The following KCTD21 variants were observed in gnomAD, a reference collection of about 807,000 sequenced individuals.
KCTD21 encodes the protein potassium channel tetramerization domain containing 21, also known as BTB/POZ domain-containing protein KCTD21.
A neutral mutation model predicts 13.2 loss-of-function variants in KCTD21; 9 were observed. The observed-to-expected ratio is 0.68, with a 90% CI of 0.41 to 1.19. The LOEUF (loss-of-function observed/expected upper bound fraction) is 1.19, where lower values mean the gene tolerates loss of function less well. Among genes scored for constraint, KCTD21 ranks in the 50% most tolerant of loss-of-function variants. The probability of loss-of-function intolerance (pLI) is 0.01; values close to 1 mark genes in which losing one functional copy is unlikely to be tolerated. For missense variants in KCTD21, 303 were observed against 336.5 expected, an observed-to-expected ratio of 0.90 and a Z score of 0.78; for synonymous variants, 142 against 137.4, an observed-to-expected ratio of 1.03 and a Z score of -0.23.
intron 1 of KCTD21, among the ~76,000 whole-genome samples, chr11:78,184,491 C>T (rs1862716778): frequency 6.6e-6 from 1 of 152,082 alleles, no homozygotes; most frequent in African/African-American, 2.4e-5. Context: ...CACACACCAC[C>T]ATGTCCGGCT....
chr11:78,180,777 G>A (rs866124386), intron 1 of KCTD21, among the ~76,000 whole-genome samples: 1 of 152,158 alleles, frequency 6.6e-6, no homozygotes, highest in Non-Finnish European at 1.5e-5. Context: ...ATATGGTATG[G>A]TTTGGCTCTG....
At chr11:78,179,732 C>T (rs889408224) in intron 1 of KCTD21, among the ~76,000 whole-genome samples, 2 of 152,186 alleles carry the variant, frequency 1.3e-5, no homozygotes, top group African/African-American at 4.8e-5. Flanking sequence ...AGTCAGTCTC[C>T]TTCATGCTGA....
intron 1 of KCTD21, among the ~76,000 whole-genome samples, chr11:78,184,329 C>CTATT (rs532305114): frequency 5.9e-4 from 89 of 152,108 alleles, no homozygotes; most frequent in African/African-American, 1.0e-3. Context: ...TGGAGAAGCT[C>CTATT]TATTTATTTA....
At position 78,174,475 on chromosome 11, in the gene KCTD21, G is replaced by C. The variant is rs1862386046; in HGVS notation, c.80C>G (p.Ser27Cys). 6.2e-7 allele frequency: 1 copy of C among 1,614,140 alleles called. No homozygotes were observed. The highest frequency in any genetic ancestry group is 8.5e-7 in the Non-Finnish European group (1 of 1,180,016). Reference protein sequence around the residue: ...SLATLTSFPDSMLGAMFSGKM... With the variant: ...SLATLTSFPDCMLGAMFSGKM... ...CCCGCTGAACATGGCGCCTAGCATG[G>C]AGTCAGGGAAGCTGGTCAGGGTCGC... The change falls in exon 2 of 2, where the codon TCC becomes TGC. Residue 27 changes from serine (S) to cysteine (C), a missense_variant. Coordinates refer to ENST00000340067, the MANE Select transcript of KCTD21 (RefSeq NM_001029859.3).
chr11:78,182,736 G>A lies in KCTD21; in HGVS notation c.-30+5837C>T, dbSNP rs137887754. Among the ~76,000 whole-genome samples, 337 of 152,246 alleles carry A rather than the reference G, an allele frequency of 2.2e-3. 1 individual carries two copies. Among genetic ancestry groups the A allele is most frequent in the African/African-American group, 7.8e-3 (325 of 41,528 alleles). ...AGAGTCATGGCCTCTGGGAAGTTCT[G>A]GTTTGGACACCCTTCAGAGAACCAG... On this transcript the variant is annotated intron_variant, in intron 1 of 1. Transcript: ENST00000340067.
At chr11:78,188,550 G>C (rs1276939745) in intron 1 of KCTD21, 23 bp downstream of exon 1, 1 of 985,316 alleles carries the variant, frequency 1.0e-6, no homozygotes, top group Admixed American at 6.2e-5. Flanking sequence ...CGAGCCCCGC[G>C]ACCCCGGCCG....
At chr11:78,180,989 T>C (rs542548126) in intron 1 of KCTD21, among the ~76,000 whole-genome samples, 1 of 152,260 alleles carries the variant, frequency 6.6e-6, no homozygotes, top group South Asian at 2.1e-4. Flanking sequence ...AAGAAAGACA[T>C]GTTTGCTTCC....
rs1211886899 is a variant in KCTD21 at position 78,174,296 on chromosome 11, A to G, written c.259T>C (p.Tyr87His). ...MGLLRREADFYQVQPLIEALQ... is the reference protein window; with the variant it reads ...MGLLRREADFHQVQPLIEALQ... ...GCCTCAATCAGGGGCTGCACCTGGTAGAAGTCGGCCTCCCTGCGGAGCAGC... is the reference window on the plus strand; with the variant it reads ...GCCTCAATCAGGGGCTGCACCTGGTGGAAGTCGGCCTCCCTGCGGAGCAGC... Residue 87 changes from tyrosine to histidine, a missense_variant, in exon 2 of 2, where the codon TAC becomes CAC. Physicochemically the swap from Tyr to His is moderately conservative, Grantham distance 83. Transcript: ENST00000340067. 1 of 1,614,090 alleles carries G rather than the reference A, an allele frequency of 6.2e-7. No homozygotes were observed. The highest frequency in any genetic ancestry group is 8.5e-7 in the Non-Finnish European group (1 of 1,180,032).
intron 1 of KCTD21, among the ~76,000 whole-genome samples, chr11:78,185,989 C>T (rs955152605): frequency 2.6e-5 from 4 of 152,040 alleles, no homozygotes; most frequent in African/African-American, 9.7e-5. Context: ...ATCTCTGTAA[C>T]TCGGCAGGAA....
chr11:78,175,435 G>A (rs979702851), intron 1 of KCTD21: 3 of 151,830 alleles, frequency 2.0e-5, no homozygotes, highest in Admixed American at 2.0e-4. Flanking sequence ...CTCAAGCTCA[G>A]AAAGGTGAAG....
chr11:78,176,309 C>T (rs551051110), intron 1 of KCTD21: 2 of 152,192 alleles, frequency 1.3e-5, no homozygotes, highest in African/African-American at 4.8e-5. Context: ...GTCATAACAC[C>T]CCAAGCTTCT....
At chr11:78,183,025 C>T (rs1391139261) in intron 1 of KCTD21, among the ~76,000 whole-genome samples, 1 of 152,168 alleles carries the variant, frequency 6.6e-6, no homozygotes, top group Non-Finnish European at 1.5e-5. Flanking sequence ...CTATCAATCA[C>T]CTATCCATCA....
At chr11:78,175,718 CTGT>C (rs1047740257) in intron 1 of KCTD21, among the ~76,000 whole-genome samples, 18 of 152,082 alleles carry the variant, frequency 1.2e-4, no homozygotes, top group African/African-American at 4.3e-4. Flanking sequence ...AATGACAATC[CTGT>C]TTTTTTTAAA....
intron 1 of KCTD21, among the ~76,000 whole-genome samples, chr11:78,179,940 T>C (rs1184315510): frequency 6.6e-6 from 1 of 152,174 alleles, no homozygotes; most frequent in Non-Finnish European, 1.5e-5. Flanking sequence ...GCATTCCACC[T>C]GCAGCGATCT....
intron 1 of KCTD21, among the ~76,000 whole-genome samples, chr11:78,177,456 T>C (rs1408142377): frequency 6.6e-6 from 1 of 152,138 alleles, no homozygotes; most frequent in Admixed American, 6.5e-5. Flanking sequence ...GGTGTGGAGA[T>C]GGCTGTGAGG....
chr11:78,185,597 A>ATT (rs58401363), intron 1 of KCTD21, among the ~76,000 whole-genome samples: 6,127 of 145,794 alleles, frequency 0.042, 357 homozygotes, highest in African/African-American at 0.14. Flanking sequence ...CACTAGGCCT[A>ATT]TTTTTTTTTT....
At chr11:78,184,425 C>G (rs1397685196) in intron 1 of KCTD21, among the ~76,000 whole-genome samples, 1 of 150,338 alleles carries the variant, frequency 6.7e-6, no homozygotes, top group Non-Finnish European at 1.5e-5. Context: ...CAACCTCCAC[C>G]TCCTGAGTTC....
Position 78,187,189 on chromosome 11 carries a change from G to A in KCTD21, c.-30+1384C>T. 3 of 985,338 alleles carry A rather than the reference G, an allele frequency of 3.0e-6. No individual in the cohort carries two copies. The South Asian group carries it at 1.4e-4, about 46-fold the overall frequency. The allele number at this position is 985,338 out of a possible 1,614,324, so 61.0% of individuals were successfully genotyped here. A position where few individuals can be genotyped will look rare whatever the true frequency, so the allele number is the denominator to read the frequency against. ...GTGAGTACTGTGTTTTCCAGTAAGT[G>A]GGAGACTTCCCCACCTTACCCCACC... On this transcript the variant is annotated intron_variant, in intron 1 of 1. Coordinates refer to ENST00000340067, the MANE Select transcript of KCTD21 (RefSeq NM_001029859.3).
intron 1 of KCTD21, among the ~76,000 whole-genome samples, chr11:78,182,669 C>A (rs141160922): frequency 6.6e-6 from 1 of 152,104 alleles, no homozygotes; most frequent in Admixed American, 6.5e-5. Flanking sequence ...ACCCAAAGAG[C>A]GTGAATCCCT....
Sources: gnomAD v4.1 joint callset for allele counts (sites outside exome capture counted in the v4.1 genomes callset) on GRCh38, gnomAD v4.1.1 for gene constraint, MANE v1.5 for transcripts, NCBI Gene and HGNC (gene_info 2026-07-23, HGNC 2026-07-21) for gene names.